OTC: variants seen among roughly 807,000 people sequenced by gnomAD.
OTC encodes the protein ornithine transcarbamylase, also known as ornithine transcarbamylase, mitochondrial.
A neutral mutation model predicts 30.3 loss-of-function variants in OTC; 3 were observed. That is an observed-to-expected ratio of 0.10 (90% confidence interval 0.05 to 0.26). OTC has a LOEUF of 0.26. Ranked by LOEUF, OTC falls within the 10% of genes least tolerant of loss-of-function variation. The pLI is 1.00. For synonymous variants in OTC, 111 were observed against 99.7 expected, an observed-to-expected ratio of 1.11 and a Z score of -0.67; for missense variants, 194 against 260.3, an observed-to-expected ratio of 0.75 and a Z score of 1.75.
intron 1 of OTC, among the ~76,000 whole-genome samples, chrX:38,357,372 A>G (rs2068247258): frequency 8.9e-6 from 1 of 112,939 alleles, no homozygotes. Flanking sequence ...GAAAAAAAAC[A>G]TACACAAGAA....
At chrX:38,368,013 C>T (rs771622912) in intron 2 of OTC, among the ~76,000 whole-genome samples, 19 of 111,228 alleles carry the variant, frequency 1.7e-4, no homozygotes, top group East Asian at 1.4e-3. Flanking sequence ...CCACCGTGCC[C>T]GGCCAAGATT....
intron 5 of OTC, among the ~76,000 whole-genome samples, chrX:38,403,386 T>A (rs1230153056): frequency 8.9e-6 from 1 of 111,773 alleles, no homozygotes; most frequent in East Asian, 2.8e-4. Flanking sequence ...TCTTAGTCTC[T>A]GTTCAAGTTC....
At chrX:38,404,883 C>A (rs1282561451) in intron 6 of OTC, among the ~76,000 whole-genome samples, 1 of 111,669 alleles carries the variant, frequency 9.0e-6, no homozygotes, top group African/African-American at 3.3e-5. Flanking sequence ...TCACCCTAGT[C>A]CCATGTCGTG....
chrX:38,362,001 G>A (rs921285064), intron 1 of OTC, among the ~76,000 whole-genome samples: 1 of 110,961 alleles, frequency 9.0e-6, no homozygotes, highest in Non-Finnish European at 1.9e-5. Context: ...CAGTTTTGGA[G>A]GACATTATGC....
At chrX:38,397,958 C>T (rs2068465470) in intron 4 of OTC, among the ~76,000 whole-genome samples, 1 of 111,957 alleles carries the variant, frequency 8.9e-6, no homozygotes, top group Non-Finnish European at 1.9e-5. Context: ...AGTAAAGAAC[C>T]TCTGTTCTAG....
intron 1 of OTC, among the ~76,000 whole-genome samples, chrX:38,359,914 C>T (rs867802521): frequency 4.2e-5 from 4 of 94,498 alleles, no homozygotes; most frequent in Non-Finnish European, 6.3e-5. Flanking sequence ...TTCTTTCTTT[C>T]TTTTTTTTTT....
At chrX:38,346,639 G>C in the OTC span, among the ~76,000 whole-genome samples, 1 of 112,580 alleles carries the variant, frequency 8.9e-6, no homozygotes, top group Non-Finnish European at 1.9e-5. Context: ...GAACATATTA[G>C]TGATACACAC....
the OTC span, among the ~76,000 whole-genome samples, chrX:38,332,504 T>TATATAGATATATATA: frequency 2.5e-5 from 1 of 39,381 alleles, no homozygotes; most frequent in African/African-American, 8.8e-5. Flanking sequence ...GCCCTAGATT[T>TATATAGATATATATA]TATATATATA....
chrX:38,352,866 G>A (rs891125293), intron 1 of OTC, 93 bp downstream of exon 1: 10 of 637,632 alleles, frequency 1.6e-5, no homozygotes, highest in African/African-American at 1.5e-4. Context: ...GCAGAATGTA[G>A]TGCCACGCTC....
rs201070935 is a variant in OTC at position 38,381,415 on chromosome X, C to T, written c.372C>T (p.Leu124=). 3.8e-5 allele frequency: 45 copies of T among 1,178,338 alleles called. No homozygotes were observed. Among genetic ancestry groups the T allele is most frequent in the Non-Finnish European group, 4.5e-5 (39 of 866,827 alleles). ...TTCATTTGGGTGTGAATGAAAGTCT[C>T]ACGGACACGGCCCGGTTTGTAAATA... ...QDIHLGVNES[L]TDTARVLSSM... Residue 124 remains leucine (L), a synonymous_variant, in exon 4 of 10, where the codon CTC becomes CTT. Transcript: ENST00000039007.
chrX:38,378,009 G>A (rs762749428), intron 3 of OTC, among the ~76,000 whole-genome samples: 22 of 108,254 alleles, frequency 2.0e-4, no homozygotes, highest in Non-Finnish European at 4.0e-4. Context: ...GCTAATTTTT[G>A]TATTTTTAGT....
chrX:38,381,326 T>C lies in OTC; in HGVS notation c.299-16T>C. Reference sequence around the variant, plus strand: ...TGTTTTTTCAAAATGATTTTTTTCTTTTTTTTTTATTGTAGGCTTTGCACT... The same window carrying C: ...TGTTTTTTCAAAATGATTTTTTTCTCTTTTTTTTATTGTAGGCTTTGCACT... On this transcript the variant is annotated splice_polypyrimidine_tract_variant and intron_variant, in intron 3 of 9. Transcript: ENST00000039007. 9.0e-7 allele frequency: 1 copy of C among 1,106,963 alleles called. No homozygotes were observed. Among genetic ancestry groups the C allele is most frequent in the Non-Finnish European group, 1.2e-6 (1 of 812,439 alleles). The allele number at this position is 1,106,963 out of a possible 1,213,427, so 91.2% of individuals were successfully genotyped here.
chrX:38,381,188 C>G (rs1470189013), intron 3 of OTC, among the ~76,000 whole-genome samples, 154 bp from the exon 4 acceptor site: 1 of 112,590 alleles, frequency 8.9e-6, no homozygotes, highest in African/African-American at 3.2e-5. Context: ...CCCTCAATTC[C>G]TCATTTTGCT....
At chrX:38,339,735 G>A in the OTC span, among the ~76,000 whole-genome samples, 1 of 110,673 alleles carries the variant, frequency 9.0e-6, no homozygotes, top group Non-Finnish European at 1.9e-5. Context: ...GGACCCCTCA[G>A]TAACCACTCC....
intron 3 of OTC, among the ~76,000 whole-genome samples, chrX:38,373,398 T>G (rs932839341): frequency 9.8e-5 from 11 of 112,812 alleles, no homozygotes; most frequent in East Asian, 2.8e-4. Context: ...TCATCCACTC[T>G]TTGTGTGTGC....
chrX:38,373,348 G>A (rs939768812), intron 3 of OTC, among the ~76,000 whole-genome samples: 12 of 112,437 alleles, frequency 1.1e-4, no homozygotes, highest in African/African-American at 3.9e-4. Context: ...ATTATGAGAT[G>A]TATCGATGTA....
rs72554309 is a variant in OTC, at chrX:38,367,340, C to A, written c.127C>A (p.Leu43Ile). The A allele has an allele frequency of 1.7e-5, 20 of 1,200,139 alleles. No individual in the cohort carries two copies. In the African/African-American group the frequency reaches 3.3e-4, roughly 20 times the overall value. ...AGTGCAGCTGAAGGGCCGTGACCTT[C>A]TCACTCTAAAAAACTTTACCGGAGA... ...NKVQLKGRDL[L>I]TLKNFTGEEI... The change falls in exon 2 of 10, where the codon CTC becomes ATC. Residue 43 changes from leucine to isoleucine, a missense_variant. By Grantham distance (5) the Leu-to-Ile change is conservative. Coordinates refer to ENST00000039007, the MANE Select transcript of OTC (RefSeq NM_000531.6).
chrX:38,419,215 A>C (rs1375610619), intron 9 of OTC, among the ~76,000 whole-genome samples: 1 of 111,882 alleles, frequency 8.9e-6, no homozygotes, highest in Non-Finnish European at 1.9e-5. Context: ...TTATGACAGT[A>C]CCGTGTGGTT....
At chrX:38,352,832 T>C in intron 1 of OTC, 59 bp downstream of exon 1, 1 of 839,964 alleles carries the variant, frequency 1.2e-6, no homozygotes, top group East Asian at 3.1e-5. Context: ...CATAAAACTA[T>C]ATTCTGCAGT....
Sources: allele counts gnomAD v4.1 joint callset (sites outside exome capture counted in the v4.1 genomes callset), GRCh38; gene constraint gnomAD v4.1.1; transcripts MANE v1.5; gene names NCBI Gene and HGNC (gene_info 2026-07-23, HGNC 2026-07-21).